The following IQUB variants were observed in gnomAD, a reference collection of about 807,000 sequenced individuals.
IQUB encodes the protein IQ motif and ubiquitin domain containing, also known as IQ motif and ubiquitin-like domain-containing protein.
IQUB carries 86 observed loss-of-function variants against 86.4 expected under a neutral mutation model. The ratio of observed to expected loss-of-function variants is 1.00; its 90% confidence interval spans 0.84 to 1.19. The LOEUF is 1.19. IQUB is among the 50% of genes most tolerant of loss of function. IQUB has a pLI of 0.00. For missense variants in IQUB, 946 were observed against 916.9 expected (o/e 1.03, Z -0.41); for synonymous variants, 289 against 304.5 (o/e 0.95, Z 0.53).
chr7:123,457,110 T>C (rs1793733633), intron 12 of IQUB: 9 of 934,644 alleles, frequency 9.6e-6, no homozygotes, highest in Non-Finnish European at 1.1e-5. Flanking sequence ...ACTGCCTTCA[T>C]GGAATTTACC....
chr7:123,464,483 A>G (rs1794155425), intron 10 of IQUB, among the ~76,000 whole-genome samples: 1 of 152,030 alleles, frequency 6.6e-6, no homozygotes, highest in East Asian at 1.9e-4. Flanking sequence ...TTAGAAAATG[A>G]ACAGGAATTG....
intron 1 of IQUB, among the ~76,000 whole-genome samples, chr7:123,524,965 G>A (rs1012525239): frequency 4.6e-5 from 7 of 151,854 alleles, no homozygotes; most frequent in African/African-American, 1.5e-4. Flanking sequence ...TAATCATGTG[G>A]TTTTTGTCTT....
At chr7:123,457,723 T>C (rs1350546088) in intron 11 of IQUB, among the ~76,000 whole-genome samples, 157 bp from the exon 12 acceptor site, 1 of 152,062 alleles carries the variant, frequency 6.6e-6, no homozygotes, top group African/African-American at 2.4e-5. Context: ...ACTAAACTTC[T>C]GTTCATTTTG....
intron 1 of IQUB, among the ~76,000 whole-genome samples, chr7:123,513,178 G>A (rs1360069694): frequency 3.9e-5 from 6 of 152,026 alleles, no homozygotes; most frequent in Admixed American, 3.9e-4. Flanking sequence ...AAATCTTTAT[G>A]GAGAAAATAA....
chr7:123,464,813 T>C lies in IQUB; in HGVS notation c.1758+20A>G. On this transcript the variant is annotated intron_variant, in intron 10 of 12. Coordinates refer to ENST00000324698, the MANE Select transcript of IQUB (RefSeq NM_178827.5). The stretch of plus-strand genomic sequence containing the variant: ...ATCTTAGGATTTTGAAACAGGAATA[T>C]AGAGAAAAATGTAGAATACCTTAAG... The C allele has an allele frequency of 5.4e-6, 8 of 1,487,270 alleles. No homozygotes were observed. Among genetic ancestry groups the C allele is most frequent in the Non-Finnish European group, 7.3e-6 (8 of 1,103,394 alleles). 92.1% of individuals were successfully genotyped at this position (1,487,270 alleles called of 1,614,324 possible).
At chr7:123,457,304 T>C (rs1793743246) in intron 12 of IQUB, 77 bp downstream of exon 12, 7 of 1,541,072 alleles carry the variant, frequency 4.5e-6, no homozygotes, top group Non-Finnish European at 2.6e-6. Flanking sequence ...GCATGGAATA[T>C]ATTAGAAGGC....
At chr7:123,507,734 G>A (rs549502428) in intron 3 of IQUB, among the ~76,000 whole-genome samples, 1 of 152,150 alleles carries the variant, frequency 6.6e-6, no homozygotes, top group Non-Finnish European at 1.5e-5. Context: ...TTAGCCGGGT[G>A]TGGTGGCACA....
intron 1 of IQUB, among the ~76,000 whole-genome samples, chr7:123,531,586 T>C (rs1486110362): frequency 2.0e-5 from 3 of 152,240 alleles, no homozygotes; most frequent in South Asian, 2.1e-4. Context: ...ATTCAGGTTA[T>C]TTATTTTCCT....
chr7:123,532,920 C>CGGCTGGGGGCGGAGGCCGGCAGT (rs1797608640), intron 1 of IQUB: 1 of 152,324 alleles, frequency 6.6e-6, no homozygotes, highest in Admixed American at 6.5e-5. Flanking sequence ...TGACCGGCTG[C>CGGCTGGGGGCGGAGGCCGGCAGT]GGCTGGGGGC....
intron 1 of IQUB, among the ~76,000 whole-genome samples, chr7:123,514,006 C>T (rs910242731): frequency 2.0e-5 from 3 of 152,128 alleles, no homozygotes; most frequent in South Asian, 2.1e-4. Flanking sequence ...TAAAAGAATA[C>T]GGATCCTCAG....
Position 123,452,941 on chromosome 7 carries a change from T to C in IQUB, c.2194-16A>G. ...GTTCATATCCCTGCAAAGAAAAAAA[T>C]CAAATTCTAGTAAATATCACAGATA... is the stretch of plus-strand genomic sequence containing the variant. On this transcript the variant is annotated splice_polypyrimidine_tract_variant and intron_variant, in intron 12 of 12. Coordinates refer to ENST00000324698, the MANE Select transcript of IQUB (RefSeq NM_178827.5). The C allele has an allele frequency of 1.3e-6, 2 of 1,591,182 alleles. No individual in the cohort carries two copies. The highest frequency in any genetic ancestry group is 1.7e-6 in the Non-Finnish European group (2 of 1,166,788).
intron 6 of IQUB, chr7:123,502,160 T>C (rs1413132430): frequency 6.2e-6 from 1 of 161,096 alleles, no homozygotes. Context: ...ATCAAATAGG[T>C]TGAAAGTAAA....
In IQUB at chr7:123,529,724, T is replaced by TAA. The variant is rs753026777; in HGVS notation, c.-5+4766_-5+4767dup. Among the ~76,000 whole-genome samples, 36 of 35,820 alleles carry TAA rather than the reference T, an allele frequency of 1.0e-3. 5 individuals carry two copies. The highest frequency in any genetic ancestry group is 3.3e-3 in the African/African-American group (26 of 7,922). 23.5% of individuals were successfully genotyped at this position (35,820 alleles called of 152,430 possible). A position where few individuals can be genotyped will look rare whatever the true frequency, so the allele number is the denominator to read the frequency against. ...AACATAGTGAAACCCTGTCTCTACT[T>TAA]AAAAAAAAAAAAAAAAAAAAAAAAA... On this transcript the variant is annotated intron_variant, in intron 1 of 12. Transcript: ENST00000324698.
At chr7:123,525,312 C>T (rs1797142004) in intron 1 of IQUB, among the ~76,000 whole-genome samples, 1 of 152,082 alleles carries the variant, frequency 6.6e-6, no homozygotes, top group African/African-American at 2.4e-5. Flanking sequence ...TAGAATTCGG[C>T]TGTGAATCCA....
chr7:123,466,394 T>G (rs1019187753), intron 9 of IQUB, among the ~76,000 whole-genome samples: 8 of 152,284 alleles, frequency 5.3e-5, no homozygotes, highest in Non-Finnish European at 5.9e-5. Flanking sequence ...GCACTCTCTT[T>G]TTGCCAATCT....
intron 10 of IQUB, 64 bp from the exon 11 acceptor site, chr7:123,461,669 T>C (rs377103873): frequency 7.3e-7 from 1 of 1,374,368 alleles, no homozygotes; most frequent in East Asian, 2.5e-5. Context: ...AATATGATCC[T>C]AACCAATGGA....
At chr7:123,460,420 TC>T (rs1422621027) in intron 11 of IQUB, among the ~76,000 whole-genome samples, 1 of 151,930 alleles carries the variant, frequency 6.6e-6, no homozygotes, top group Non-Finnish European at 1.5e-5. Context: ...TTTTTTTTAA[TC>T]TCTATAAAGT....
Position 123,512,135 on chromosome 7 carries a change from G to C in IQUB, c.206C>G (p.Ser69Ter), listed in dbSNP as rs140652989. 132 of 1,613,902 alleles carry C rather than the reference G, an allele frequency of 8.2e-5. No individual in the cohort carries two copies. The highest frequency in any genetic ancestry group is 1.1e-4 in the Non-Finnish European group (124 of 1,179,960). ...TTGTTCATTGTCTGGTTCCAGGCTT[G>C]AAAAGCTTTGGTCACTCTGCTCCTC... is the stretch of plus-strand genomic sequence containing the variant. Reference protein sequence around the residue: ...HVEEQSDQSFSSLEPDNEQLM... With the variant: ...HVEEQSDQSF Residue 69 changes from serine (S) to a stop codon, truncating the protein, a stop_gained, in exon 2 of 13, where the codon TCA (serine) becomes TGA (stop). Transcript: ENST00000324698. LOFTEE classifies it high-confidence loss of function.
Position 123,503,352 on chromosome 7 carries a change from T to C in IQUB, c.544A>G (p.Lys182Glu). 1 of 1,504,264 alleles carries C rather than the reference T, an allele frequency of 6.6e-7. No individual in the cohort carries two copies. Among genetic ancestry groups the C allele is most frequent in the South Asian group, 1.3e-5 (1 of 78,592 alleles). 93.2% of individuals were successfully genotyped at this position (1,504,264 alleles called of 1,614,324 possible). ...TGTTGTACTAGAGTCTCATTATTTT[T>C]AAGAATTTTTCCTAAAAATTGAAAT... Reference protein sequence around the residue: ...LQIRYSGKILKNNETLVQHGV... With the variant: ...LQIRYSGKILENNETLVQHGV... The change falls in exon 4 of 13, where the codon AAA (lysine) becomes GAA (glutamate). Residue 182 changes from lysine (K) to glutamate (E), a missense_variant. By Grantham distance (56) the Lys-to-Glu change is moderately conservative (BLOSUM62 1). Transcript: ENST00000324698.
Sources: allele counts gnomAD v4.1 joint callset (sites outside exome capture counted in the v4.1 genomes callset), GRCh38; gene constraint gnomAD v4.1.1; transcripts MANE v1.5; gene names NCBI Gene and HGNC (gene_info 2026-07-23, HGNC 2026-07-21).